The following FAM186B variants were observed in gnomAD, a reference collection of about 807,000 sequenced individuals.
The protein encoded by FAM186B is family with sequence similarity 186 member B.
Under a neutral mutation model 83.4 loss-of-function variants are expected in FAM186B, and 68 were observed. The ratio of observed to expected loss-of-function variants is 0.81; its 90% CI spans 0.67 to 1.00. The LOEUF (loss-of-function observed/expected upper bound fraction) is 1.00. Ranked by LOEUF, FAM186B falls within the 50% of genes least tolerant of loss-of-function variation. The pLI is 0.00. For missense variants in FAM186B, 983 were observed against 1,099.2 expected (o/e 0.89, Z 1.49); for synonymous variants, 389 against 422.0 (o/e 0.92, Z 0.96).
At chr12:49,609,324 A>T (rs970947433), upstream of FAM186B, among the ~76,000 whole-genome samples, 1 of 151,990 alleles carries the variant, frequency 6.6e-6, no homozygotes, top group Non-Finnish European at 1.5e-5. Context: ...TGGAGCACCC[A>T]CTCACCCAGA....
chr12:49,599,399 C>G, intron 4 of FAM186B, 70 bp downstream of exon 4: 1 of 1,474,426 alleles, frequency 6.8e-7, no homozygotes, highest in Non-Finnish European at 9.0e-7. Flanking sequence ...TTCCTTCTCT[C>G]CCACTGGGTT....
Position 49,603,369 on chromosome 12 carries a change from T to C in FAM186B, c.323-2A>G. ...CAATCTCATAGGTCAGAGTGTCACCTGGAGAAGGGATGGGAGGTGCAGGCT... is the reference window on the plus strand; with the variant it reads ...CAATCTCATAGGTCAGAGTGTCACCCGGAGAAGGGATGGGAGGTGCAGGCT... On this transcript the variant is annotated splice_acceptor_variant, in intron 2 of 6. Coordinates refer to ENST00000257894, the MANE Select transcript of FAM186B (RefSeq NM_032130.3). LOFTEE classifies it high-confidence loss of function. 1 of 1,614,076 alleles carries C rather than the reference T, an allele frequency of 6.2e-7. No homozygotes were observed. Among genetic ancestry groups the C allele is most frequent in the African/African-American group, 1.3e-5 (1 of 75,028 alleles).
the FAM186B span, among the ~76,000 whole-genome samples, chr12:49,610,986 A>C: frequency 6.6e-6 from 1 of 152,112 alleles, no homozygotes; most frequent in East Asian, 1.9e-4. Context: ...CATGCCTGTA[A>C]TCCCAGCACT....
At position 49,601,059 on chromosome 12, in the gene FAM186B, C is replaced by T; in HGVS notation, c.581G>A (p.Ser194Asn). 1 of 1,612,122 alleles carries T rather than the reference C, an allele frequency of 6.2e-7. No homozygotes were observed. The highest frequency in any genetic ancestry group is 1.3e-5 in the African/African-American group (1 of 74,968). ...CTGGTCCTGGAGCATCTGTTCTGGG[C>T]TTAGTGGCTGAGGATGGGATGGAGA... ...QTSPSHPQPL[S>N]PEQMLQDQHT... The change falls in exon 4 of 7, where the codon AGC becomes AAC. Residue 194 changes from serine (S) to asparagine (N), a missense_variant. Ser to Asn is a conservative substitution (Grantham distance 46). Transcript: ENST00000257894.
chr12:49,595,391 T>C lies in FAM186B; in HGVS notation c.2364+3364A>G, dbSNP rs372253967. On this transcript the variant is annotated intron_variant, in intron 5 of 6. Coordinates refer to ENST00000257894, the MANE Select transcript of FAM186B (RefSeq NM_032130.3). ...CCTGAGTCTGCTTCTGTGAAGGAGA[T>C]ACTAAAGGAGCAGGAAAACCAGAAG... 1.1e-4 allele frequency: 60 copies of C among 540,362 alleles called. No homozygotes were observed. In the African/African-American group the frequency reaches 1.1e-3, roughly 10 times the overall value. 33.5% of individuals were successfully genotyped at this position (540,362 alleles called of 1,614,324 possible).
At chr12:49,596,213 T>A (rs868082299) in intron 5 of FAM186B, among the ~76,000 whole-genome samples, 2 of 150,608 alleles carry the variant, frequency 1.3e-5, no homozygotes, top group African/African-American at 4.9e-5. Context: ...TTCTTTTTTT[T>A]AATAAGCCTT....
chr12:49,604,815 C>T (rs1199904118), intron 1 of FAM186B: 2 of 302,350 alleles, frequency 6.6e-6, no homozygotes, highest in Non-Finnish European at 1.2e-5. Context: ...AAGTATAGAA[C>T]ACCAAAACCC....
At chr12:49,608,973 A>G (rs970459404), upstream of FAM186B, among the ~76,000 whole-genome samples, 7 of 152,300 alleles carry the variant, frequency 4.6e-5, no homozygotes, top group Middle Eastern at 3.4e-3. Flanking sequence ...AAAGTTAGTC[A>G]TTCTTTGGCG....
chr12:49,611,509 G>C, the FAM186B span, among the ~76,000 whole-genome samples: 3 of 149,986 alleles, frequency 2.0e-5, no homozygotes, highest in African/African-American at 7.4e-5. Context: ...AATTGAGACT[G>C]CACTGCTGCA....
At chr12:49,603,915 T>A (rs1410167556) in intron 2 of FAM186B, among the ~76,000 whole-genome samples, 2 of 152,038 alleles carry the variant, frequency 1.3e-5, no homozygotes, top group Non-Finnish European at 2.9e-5. Flanking sequence ...GCACTTAGCT[T>A]TAGGGTTTAA....
At chr12:49,607,642 A>G (rs1220896360), upstream of FAM186B, among the ~76,000 whole-genome samples, 1 of 152,218 alleles carries the variant, frequency 6.6e-6, no homozygotes, top group Non-Finnish European at 1.5e-5. Context: ...CTTTCAAAAA[A>G]TTGAATAGTA....
chr12:49,615,494 G>T, the FAM186B span, among the ~76,000 whole-genome samples: 1 of 152,144 alleles, frequency 6.6e-6, no homozygotes, highest in Non-Finnish European at 1.5e-5. Flanking sequence ...CATCACGAAA[G>T]AAGTTATACA....
chr12:49,613,351 C>A, the FAM186B span, among the ~76,000 whole-genome samples: 1 of 150,416 alleles, frequency 6.6e-6, no homozygotes, highest in Non-Finnish European at 1.5e-5. Flanking sequence ...CATGGTGAAA[C>A]CCCATCTCTA....
chr12:49,599,753 G>A lies in FAM186B; in HGVS notation c.1887C>T (p.Pro629=), dbSNP rs1434010484. The change falls in exon 4 of 7, where the codon CCC becomes CCT. Residue 629 remains proline, a synonymous_variant. Transcript: ENST00000257894. The part of the protein sequence containing the change: ...RPRTRRVPTK[P]KKSASFPVTG... ...TGACAGGAAAGGAGGCAGATTTCTTGGGCTTTGTGGGAACTCGGCGGGTCC... is the reference window on the plus strand; with the variant it reads ...TGACAGGAAAGGAGGCAGATTTCTTAGGCTTTGTGGGAACTCGGCGGGTCC... The A allele has an allele frequency of 6.2e-7, 1 of 1,614,132 alleles. No homozygotes were observed. Among genetic ancestry groups the A allele is most frequent in the South Asian group, 1.1e-5 (1 of 91,076 alleles).
Position 49,604,484 on chromosome 12 carries a change from G to T in FAM186B, c.151C>A (p.Arg51Ser). The T allele has an allele frequency of 6.2e-7, 1 of 1,614,156 alleles. No homozygotes were observed. Among genetic ancestry groups the T allele is most frequent in the Non-Finnish European group, 8.5e-7 (1 of 1,180,034 alleles). The change falls in exon 2 of 7, where the codon CGC (arginine) becomes AGC (serine). Residue 51 changes from arginine (R) to serine (S), a missense_variant. Transcript: ENST00000257894. ...TCATATCCTAATTCTTCCTGGAAGC[G>T]GTTGATGACACAATTGACATTGTCC... ...ILDNVNCVIN[R>S]FQEELGYDLK... is the part of the protein sequence containing the mutation.
At chr12:49,587,877 T>C in intron 6 of FAM186B, 125 bp from the exon 7 acceptor site, 4 of 1,043,098 alleles carry the variant, frequency 3.8e-6, no homozygotes, top group Non-Finnish European at 5.5e-6. Flanking sequence ...AGTGTGTCAC[T>C]GCCCTCCTCA....
At chr12:49,593,001 C>T (rs1376425717) in intron 5 of FAM186B, 2 of 152,022 alleles carry the variant, frequency 1.3e-5, no homozygotes, top group East Asian at 3.8e-4. Flanking sequence ...ATATAAATAG[C>T]CTAAAACCAC....
At chr12:49,604,229 A>C in intron 2 of FAM186B, 84 bp downstream of exon 2, 1 of 1,037,700 alleles carries the variant, frequency 9.6e-7, no homozygotes, top group South Asian at 1.5e-5. Flanking sequence ...TCACTGGAGA[A>C]GGGGATGTGT....
the FAM186B span, among the ~76,000 whole-genome samples, chr12:49,613,384 G>A: frequency 3.4e-4 from 51 of 151,624 alleles, no homozygotes; most frequent in African/African-American, 1.1e-3. Context: ...AAAATTAGCC[G>A]GGTGTGGTGG....
Sources: allele counts gnomAD v4.1 joint callset (sites outside exome capture counted in the v4.1 genomes callset), GRCh38; gene constraint gnomAD v4.1.1; transcripts MANE v1.5; gene names NCBI Gene and HGNC (gene_info 2026-07-23, HGNC 2026-07-21).